Variants in R3HCC1L observed in about 807,000 individuals in gnomAD.
R3HCC1L encodes coiled-coil domain-containing protein R3HCC1L.
R3HCC1L carries 51 observed loss-of-function variants against 59.9 expected under a neutral mutation model. That is an observed-to-expected ratio of 0.85 (90% CI 0.68 to 1.07). The LOEUF is 1.07. R3HCC1L is among the 50% of genes least tolerant of loss of function. R3HCC1L has a pLI of 0.00. For missense variants in R3HCC1L, 965 were observed against 933.0 expected, an observed-to-expected ratio of 1.03 and a Z score of -0.45; for synonymous variants, 322 against 315.2, an observed-to-expected ratio of 1.02 and a Z score of -0.23.
chr10:98,237,299 G>C (rs1176696962), intron 9 of R3HCC1L, among the ~76,000 whole-genome samples: 1 of 152,204 alleles, frequency 6.6e-6, no homozygotes, highest in African/African-American at 2.4e-5. Context: ...GATTAAAGAT[G>C]AATGTACAGT....
chr10:98,161,862 G>A (rs946283792), intron 2 of R3HCC1L, among the ~76,000 whole-genome samples: 1 of 152,064 alleles, frequency 6.6e-6, no homozygotes, highest in African/African-American at 2.4e-5. Context: ...TTGCATGTCT[G>A]TTTTTCTGTT....
intron 4 of R3HCC1L, among the ~76,000 whole-genome samples, chr10:98,205,556 A>G (rs1261045287): frequency 1.1e-4 from 16 of 152,252 alleles, no homozygotes; most frequent in Admixed American, 1.0e-3. Context: ...AGTGACATAA[A>G]GAAAAACATC....
rs758353915 is a variant in R3HCC1L, at chr10:98,209,295, C to T, written c.1181C>T (p.Pro394Leu). The T allele has an allele frequency of 3.8e-5, 61 of 1,613,860 alleles. No homozygotes were observed. The South Asian group carries it at 6.4e-4, about 17-fold the overall frequency. The change falls in exon 5 of 10, where the codon CCT (proline) becomes CTT (leucine). Residue 394 changes from proline to leucine, a missense_variant. Pro to Leu is a moderately conservative substitution (Grantham distance 98). Coordinates refer to ENST00000298999, the MANE Select transcript of R3HCC1L (RefSeq NM_001351015.2). ...SCSDHVTVDS[P>L]YVVAVRIADE... Reference sequence around the variant, plus strand: ...AGTGATCATGTAACTGTTGATAGCCCTTATGTAGTTGCAGTTAGAATAGCT... The same window carrying T: ...AGTGATCATGTAACTGTTGATAGCCTTTATGTAGTTGCAGTTAGAATAGCT...
chr10:98,143,424 T>G (rs1036521143), intron 1 of R3HCC1L, among the ~76,000 whole-genome samples: 2 of 152,230 alleles, frequency 1.3e-5, no homozygotes, highest in Admixed American at 1.3e-4. Flanking sequence ...GTACTGGAGT[T>G]GACAAGCCCC....
intron 1 of R3HCC1L, among the ~76,000 whole-genome samples, chr10:98,147,186 C>G (rs1185636112): frequency 1.3e-5 from 2 of 151,844 alleles, no homozygotes; most frequent in Non-Finnish European, 1.5e-5. Context: ...TTTTCATATA[C>G]CTGTTGGCCG....
In R3HCC1L at chr10:98,208,386, A is replaced by G; in HGVS notation, c.272A>G (p.Lys91Arg). The G allele has an allele frequency of 6.2e-7, 1 of 1,613,958 alleles. No homozygotes were observed. Among genetic ancestry groups the G allele is most frequent in the Non-Finnish European group, 8.5e-7 (1 of 1,179,984 alleles). The change falls in exon 5 of 10, where the codon AAA (lysine) becomes AGA (arginine). Residue 91 changes from lysine (K) to arginine (R), a missense_variant. Physicochemically the swap from Lys to Arg is conservative, Grantham distance 26. Coordinates refer to ENST00000298999, the MANE Select transcript of R3HCC1L (RefSeq NM_001351015.2). ...AGAGAAGAAAAGAAATCTTCAACAA[A>G]ATTAAGAATGGACACATGCCTTCAA... ...NCREEKKSST[K>R]LRMDTCLQKT...
intron 9 of R3HCC1L, 136 bp downstream of exon 9, chr10:98,236,300 T>G: frequency 1.8e-6 from 2 of 1,132,950 alleles, no homozygotes; most frequent in Non-Finnish European, 2.5e-6. Flanking sequence ...GTATAGAAAT[T>G]TTCATGCCTT....
intron 9 of R3HCC1L, among the ~76,000 whole-genome samples, chr10:98,243,580 T>C (rs1044607063): frequency 6.6e-6 from 1 of 152,256 alleles, no homozygotes. Flanking sequence ...TCTGAAAATA[T>C]TGAAATGTGG....
chr10:98,175,334 A>G (rs909960406), intron 4 of R3HCC1L, among the ~76,000 whole-genome samples: 4 of 152,280 alleles, frequency 2.6e-5, no homozygotes, highest in Admixed American at 2.0e-4. Flanking sequence ...TTAAGATTAT[A>G]TATGGCAAAC....
At chr10:98,197,153 T>G (rs1851523765) in intron 4 of R3HCC1L, among the ~76,000 whole-genome samples, 1 of 152,152 alleles carries the variant, frequency 6.6e-6, no homozygotes, top group African/African-American at 2.4e-5. Context: ...TTTCACCATG[T>G]TGGCCTGGCT....
chr10:98,215,544 A>C (rs939909286), intron 5 of R3HCC1L, among the ~76,000 whole-genome samples: 1 of 152,178 alleles, frequency 6.6e-6, no homozygotes, highest in African/African-American at 2.4e-5. Flanking sequence ...ATGCTTTTCT[A>C]TTCAGTGTCA....
chr10:98,187,091 T>C (rs771907304), intron 4 of R3HCC1L, among the ~76,000 whole-genome samples: 21 of 152,154 alleles, frequency 1.4e-4, no homozygotes, highest in Middle Eastern at 3.2e-3. Flanking sequence ...CATTGACTTA[T>C]TTGGTAGGGT....
chr10:98,179,290 C>T (rs925578738), intron 4 of R3HCC1L, among the ~76,000 whole-genome samples: 4 of 152,074 alleles, frequency 2.6e-5, no homozygotes, highest in Admixed American at 6.6e-5. Context: ...TGAATTTTGT[C>T]GAAGGCCTTT....
At chr10:98,241,227 C>T (rs573719411) in intron 9 of R3HCC1L, among the ~76,000 whole-genome samples, 3 of 152,156 alleles carry the variant, frequency 2.0e-5, no homozygotes, top group Admixed American at 6.5e-5. Flanking sequence ...AGCATGTTGT[C>T]TATTGTTCTG....
chr10:98,176,317 T>G (rs1039304713), intron 4 of R3HCC1L, among the ~76,000 whole-genome samples: 2 of 152,206 alleles, frequency 1.3e-5, no homozygotes, highest in African/African-American at 4.8e-5. Context: ...AAAGTCCTTC[T>G]GGATTCTGAT....
rs145028882 is a variant in R3HCC1L, at chr10:98,157,352, A to G, written c.-213+1205A>G. ...GGTGGGGCGATAGATTTTAGGTTCA[A>G]TATGCTTACTTAATCACCCAATTTT... On this transcript the variant is annotated intron_variant, in intron 2 of 9. Transcript: ENST00000298999. Among the ~76,000 whole-genome samples, 428 of 152,302 alleles carry G rather than the reference A, an allele frequency of 2.8e-3. 1 individual carries two copies. The highest frequency in any genetic ancestry group is 9.7e-3 in the African/African-American group (404 of 41,566).
At chr10:98,177,433 A>T (rs182241181) in intron 4 of R3HCC1L, among the ~76,000 whole-genome samples, 1 of 152,258 alleles carries the variant, frequency 6.6e-6, no homozygotes, top group Non-Finnish European at 1.5e-5. Flanking sequence ...TCTATCATTG[A>T]TGGACATTCG....
At chr10:98,168,992 T>G (rs1045359184) in intron 4 of R3HCC1L, among the ~76,000 whole-genome samples, 9 of 152,166 alleles carry the variant, frequency 5.9e-5, no homozygotes, top group Non-Finnish European at 1.0e-4. Flanking sequence ...TGACACCTGG[T>G]GAGGTTCTTT....
At chr10:98,215,689 C>T (rs932696206) in intron 5 of R3HCC1L, among the ~76,000 whole-genome samples, 8 of 151,444 alleles carry the variant, frequency 5.3e-5, no homozygotes, top group African/African-American at 1.9e-4. Context: ...TAGAATTTTC[C>T]TCCACATTAC....
Sources: allele counts gnomAD v4.1 joint callset (sites outside exome capture counted in the v4.1 genomes callset), GRCh38; gene constraint gnomAD v4.1.1; transcripts MANE v1.5; gene names NCBI Gene and HGNC (gene_info 2026-07-23, HGNC 2026-07-21).